Variants in STAMBP observed in about 807,000 individuals in gnomAD.
STAMBP encodes STAM-binding protein.
STAMBP carries 31 observed loss-of-function variants against 50.7 expected under a neutral mutation model. The observed-to-expected ratio is 0.61, with a 90% CI of 0.46 to 0.83. STAMBP has a LOEUF of 0.83. Among genes scored for constraint, STAMBP ranks in the 40% least tolerant of loss-of-function variants. The pLI, the probability that STAMBP is intolerant of heterozygous loss-of-function variation, is 0.00. For missense variants in STAMBP, 472 were observed against 518.9 expected (o/e 0.91, Z 0.88); for synonymous variants, 211 against 192.4 (o/e 1.10, Z -0.80).
intron 8 of STAMBP, 83 bp downstream of exon 8, chr2:73,859,449 G>A: frequency 1.8e-6 from 2 of 1,082,538 alleles, no homozygotes; most frequent in South Asian, 2.6e-5. Context: ...CTATTCTTGT[G>A]GACTTGTCCT....
chr2:73,847,659 A>G lies in STAMBP; in HGVS notation c.648A>G (p.Ile216Met), dbSNP rs769079770. The change falls in exon 5 of 10, where the codon ATA becomes ATG. Residue 216 changes from isoleucine (I) to methionine (M), a missense_variant. Coordinates refer to ENST00000394070, the MANE Select transcript of STAMBP (RefSeq NM_213622.4). ...DVFPTLTVSSIQPSDCHTTVR... is the reference protein window; with the variant it reads ...DVFPTLTVSSMQPSDCHTTVR... ...TCCCCACCTTAACAGTCTCATCCAT[A>G]CAGCCTTCAGACTGTCACACAACTG... The G allele has an allele frequency of 1.2e-6, 2 of 1,614,110 alleles. No individual in the cohort carries two copies. The highest frequency in any genetic ancestry group is 1.7e-6 in the Non-Finnish European group (2 of 1,180,038).
rs67469518 is a variant in STAMBP, at chr2:73,832,084, C to CATATATAT, written c.203+1043_203+1050dup. On this transcript the variant is annotated intron_variant, in intron 2 of 9. Transcript: ENST00000394070. ...TTACTACTGATTTTTGAGTAGGTAA[C>CATATATAT]ATATATATATATATATATATATATA... Among the ~76,000 whole-genome samples, 86 of 118,496 alleles carry CATATATAT rather than the reference C, an allele frequency of 7.3e-4. 2 individuals carry two copies. Among genetic ancestry groups the CATATATAT allele is most frequent in the African/African-American group, 2.4e-3 (68 of 27,892 alleles). 77.7% of individuals were successfully genotyped at this position (118,496 alleles called of 152,430 possible). A position where few individuals can be genotyped will look rare whatever the true frequency, so the allele number is the denominator to read the frequency against.
intron 4 of STAMBP, among the ~76,000 whole-genome samples, chr2:73,846,179 C>A (rs1182791138): frequency 6.6e-6 from 1 of 151,910 alleles, no homozygotes; most frequent in Non-Finnish European, 1.5e-5. Flanking sequence ...TATTACTTAG[C>A]ATTTCTTTCT....
intron 4 of STAMBP, among the ~76,000 whole-genome samples, chr2:73,847,147 G>A (rs1276965051): frequency 6.6e-6 from 1 of 152,024 alleles, no homozygotes; most frequent in African/African-American, 2.4e-5. Flanking sequence ...TGTCGGGAGG[G>A]TATTGAGAGG....
chr2:73,837,947 C>T (rs1014114877), intron 2 of STAMBP, among the ~76,000 whole-genome samples: 4 of 152,114 alleles, frequency 2.6e-5, no homozygotes, highest in African/African-American at 9.7e-5. Context: ...GGTGTTGTGT[C>T]ATGGGAGCCA....
downstream of STAMBP, among the ~76,000 whole-genome samples, chr2:73,867,841 T>C (rs1679018630): frequency 6.6e-6 from 1 of 151,956 alleles, no homozygotes; most frequent in African/African-American, 2.4e-5. Flanking sequence ...AAAGCAGAAA[T>C]TGGCCAGGTG....
downstream of STAMBP, among the ~76,000 whole-genome samples, chr2:73,867,709 A>G (rs1253798233): frequency 1.3e-5 from 2 of 152,240 alleles, no homozygotes; most frequent in Non-Finnish European, 2.9e-5. Flanking sequence ...GGAAATTTAG[A>G]ACTCTAAATG....
intron 2 of STAMBP, among the ~76,000 whole-genome samples, chr2:73,840,112 G>A (rs1227801995): frequency 6.6e-6 from 1 of 152,024 alleles, no homozygotes; most frequent in Non-Finnish European, 1.5e-5. Flanking sequence ...TTCCCCCATT[G>A]TAATGTATAC....
Position 73,867,051 on chromosome 2 carries a change from T to C in STAMBP, c.*4792T>C, listed in dbSNP as rs912309328. The C allele has an allele frequency of 6.6e-6, 1 of 152,216 alleles. No homozygotes were observed. Among genetic ancestry groups the C allele is most frequent in the Non-Finnish European group, 1.5e-5 (1 of 68,054 alleles). 9.4% of individuals were successfully genotyped at this position (152,216 alleles called of 1,614,324 possible). A position where few individuals can be genotyped will look rare whatever the true frequency, so the allele number is the denominator to read the frequency against. ...CCTGTTTGTTTATTGCTAGCTTATG[T>C]GTCTAAAGTATACTCCTTGAGAACA... On this transcript the variant is annotated 3_prime_UTR_variant, in exon 10 of 10. Coordinates refer to ENST00000394070, the MANE Select transcript of STAMBP (RefSeq NM_213622.4).
intron 2 of STAMBP, among the ~76,000 whole-genome samples, chr2:73,834,242 T>TAC (rs1674427836): frequency 1.9e-4 from 3 of 15,420 alleles, no homozygotes; most frequent in Admixed American, 1.4e-3. Flanking sequence ...AAAAAATATA[T>TAC]ATATATATAT....
intron 2 of STAMBP, 186 bp from the exon 3 acceptor site, chr2:73,844,627 A>G (rs1475609984): frequency 9.5e-6 from 4 of 420,462 alleles, no homozygotes; most frequent in African/African-American, 2.1e-5. Flanking sequence ...AGAGGAAAAG[A>G]CTCTGGCTCT....
intron 2 of STAMBP, among the ~76,000 whole-genome samples, chr2:73,841,449 T>G (rs1233605057): frequency 6.6e-6 from 1 of 152,236 alleles, no homozygotes; most frequent in African/African-American, 2.4e-5. Context: ...TTATTATCTC[T>G]TTAAGTGTCA....
At chr2:73,855,592 T>C in intron 7 of STAMBP, 1 of 456,106 alleles carries the variant, frequency 2.2e-6, no homozygotes, top group Middle Eastern at 3.3e-4. Context: ...CACTGCTCTT[T>C]AGCAGCCTAA....
In STAMBP at chr2:73,829,306, C is replaced by T. The variant is rs1405457286; in HGVS notation, c.-217C>T. The T allele has an allele frequency of 6.6e-6, 1 of 152,478 alleles. No individual in the cohort carries two copies. Among genetic ancestry groups the T allele is most frequent in the African/African-American group, 2.4e-5 (1 of 41,580 alleles). The allele number at this position is 152,478 out of a possible 1,614,324, so 9.4% of individuals were successfully genotyped here. ...TCAAGCAGTTGTCGATAGAGCCCTC[C>T]CTACTGTATACGCCCCCTCCGCTCA... is the stretch of plus-strand genomic sequence containing the variant. On this transcript the variant is annotated 5_prime_UTR_variant, in exon 1 of 10. Transcript: ENST00000394070.
At chr2:73,834,061 A>G (rs1674277717) in intron 2 of STAMBP, among the ~76,000 whole-genome samples, 1 of 150,866 alleles carries the variant, frequency 6.6e-6, no homozygotes, top group Non-Finnish European at 1.5e-5. Flanking sequence ...AAATACAAAA[A>G]TTAGCCTGGT....
intron 8 of STAMBP, 85 bp from the exon 9 acceptor site, chr2:73,859,967 G>A: frequency 1.1e-6 from 1 of 908,248 alleles, no homozygotes; most frequent in Middle Eastern, 2.2e-4. Flanking sequence ...GTGTGAGTGT[G>A]CATGCTGGTG....
rs1428146881 is a variant in STAMBP, at chr2:73,866,003, T to A, written c.*3744T>A. On this transcript the variant is annotated 3_prime_UTR_variant, in exon 10 of 10. Coordinates refer to ENST00000394070, the MANE Select transcript of STAMBP (RefSeq NM_213622.4). ...CCTAAAGAAATTACATCATCTCTATTTTCCCTTGGCTCCAGCCCACTCTTG... is the reference window on the plus strand; with the variant it reads ...CCTAAAGAAATTACATCATCTCTATATTCCCTTGGCTCCAGCCCACTCTTG... 6.6e-6 allele frequency: 1 copy of A among 152,224 alleles called. No individual in the cohort carries two copies. The highest frequency in any genetic ancestry group is 1.5e-5 in the Non-Finnish European group (1 of 68,058). 9.4% of individuals were successfully genotyped at this position (152,224 alleles called of 1,614,324 possible). A position where few individuals can be genotyped will look rare whatever the true frequency, so the allele number is the denominator to read the frequency against.
At chr2:73,838,206 G>C (rs967074128) in intron 2 of STAMBP, among the ~76,000 whole-genome samples, 1 of 152,162 alleles carries the variant, frequency 6.6e-6, no homozygotes, top group Admixed American at 6.5e-5. Context: ...AAAAATTTTT[G>C]GTTTTGTAGG....
chr2:73,839,537 C>T lies in STAMBP; in HGVS notation c.204-5276C>T, dbSNP rs190130238. 2.3e-4 allele frequency among the ~76,000 whole-genome samples: 35 copies of T among 152,298 alleles called. No homozygotes were observed. The East Asian group carries it at 6.4e-3, about 28-fold the overall frequency. On this transcript the variant is annotated intron_variant, in intron 2 of 9. Coordinates refer to ENST00000394070, the MANE Select transcript of STAMBP (RefSeq NM_213622.4). ...TCCATCTGTGATCATGCTTACCATG[C>T]TGAGTAACTTTTAAGACTGGAAGAA... is the stretch of plus-strand genomic sequence containing the variant.
Sources: allele counts gnomAD v4.1 joint callset (sites outside exome capture counted in the v4.1 genomes callset), GRCh38; gene constraint gnomAD v4.1.1; transcripts MANE v1.5; gene names NCBI Gene and HGNC (gene_info 2026-07-23, HGNC 2026-07-21).